The following IER5 variants were observed in gnomAD, a reference collection of about 807,000 sequenced individuals.
The protein encoded by IER5 is immediate early response 5, also known as immediate early response gene 5 protein.
In IER5, 3 loss-of-function variants were observed where a neutral mutation model predicts 8.2. That is an observed-to-expected ratio of 0.36 (90% confidence interval 0.17 to 0.94). The LOEUF (loss-of-function observed/expected upper bound fraction) is 0.94, where lower values mean the gene tolerates loss of function less well. Ranked by LOEUF, IER5 falls within the 40% of genes least tolerant of loss-of-function variation. The pLI, the probability that IER5 is intolerant of heterozygous loss-of-function variation, is 0.43. For missense variants in IER5, 531 were observed against 494.3 expected, an observed-to-expected ratio of 1.07 and a Z score of -0.70; for synonymous variants, 286 against 230.1, an observed-to-expected ratio of 1.24 and a Z score of -2.20.
chr1:181,089,929 C>T lies in IER5; in HGVS notation c.*43C>T, dbSNP rs1659430256. ...GGGGAGGAGGTGGAGCAGCGGGCGT[C>T]CCCGAAGTGAGGGCCAGGCCCTTCC... On this transcript the variant is annotated 3_prime_UTR_variant, in exon 1 of 1. Coordinates refer to ENST00000367577, the MANE Select transcript of IER5 (RefSeq NM_016545.5). 3 of 1,595,824 alleles carry T rather than the reference C, an allele frequency of 1.9e-6. No individual in the cohort carries two copies. In the African/African-American group the frequency reaches 4.0e-5, roughly 21 times the overall value.
rs1659449456 is a variant in IER5, at chr1:181,090,451, A to G, written c.*565A>G. 1 of 169,266 alleles carries G rather than the reference A, an allele frequency of 5.9e-6. No individual in the cohort carries two copies. The highest frequency in any genetic ancestry group is 1.4e-5 in the Non-Finnish European group (1 of 69,378). 10.5% of individuals were successfully genotyped at this position (169,266 alleles called of 1,614,324 possible). ...CCTCCCCACCTTTCTCTCCCAATGAAGAAACGTTTATATCCTGTGATTACT... is the reference window on the plus strand; with the variant it reads ...CCTCCCCACCTTTCTCTCCCAATGAGGAAACGTTTATATCCTGTGATTACT... On this transcript the variant is annotated 3_prime_UTR_variant, in exon 1 of 1. Coordinates refer to ENST00000367577, the MANE Select transcript of IER5 (RefSeq NM_016545.5).
At position 181,089,322 on chromosome 1, in the gene IER5, C is replaced by G. The variant is rs765851922; in HGVS notation, c.420C>G (p.Ala140=). Residue 140 remains alanine, a synonymous_variant, in exon 1 of 1, where the codon GCC becomes GCG. Transcript: ENST00000367577. ...GAGAGGCGGACGCGACGGAAGCTGC[C>G]TGGAGCCGCGTGGAGGGGCCGCGCC... ...QGGEADATEA[A]WSRVEGPRQA... is the part of the protein sequence containing the mutation. 2.6e-6 allele frequency: 4 copies of G among 1,543,632 alleles called. No individual in the cohort carries two copies. In the South Asian group the frequency reaches 3.6e-5, roughly 14 times the overall value.
rs1403781528 is a variant in IER5 at position 181,089,532 on chromosome 1, G to T, written c.630G>T (p.Ala210=). The change falls in exon 1 of 1, where the codon GCG becomes GCT. Residue 210 remains alanine, a synonymous_variant. Coordinates refer to ENST00000367577, the MANE Select transcript of IER5 (RefSeq NM_016545.5). ...AACCAGCGGAGGACGAGCCCCCCGC[G>T]CCGCCCGCGGTGTGCCCCAGGAAGC... ...APQPAEDEPP[A]PPAVCPRKRC... 2.0e-5 allele frequency: 26 copies of T among 1,281,666 alleles called. No homozygotes were observed. The highest frequency in any genetic ancestry group is 2.8e-5 in the South Asian group (1 of 35,118). 79.4% of individuals were successfully genotyped at this position (1,281,666 alleles called of 1,614,324 possible).
chr1:181,089,493 C>T lies in IER5; in HGVS notation c.591C>T (p.Cys197=), dbSNP rs1423061699. The change falls in exon 1 of 1, where the codon TGC becomes TGT. Residue 197 remains cysteine, a synonymous_variant. Transcript: ENST00000367577. Reference sequence around the variant, plus strand: ...CGGCCGCGACCCCCCGCGCTGCCTGCTGCTGCGCGCCGCAACCAGCGGAGG... The same window carrying T: ...CGGCCGCGACCCCCCGCGCTGCCTGTTGCTGCGCGCCGCAACCAGCGGAGG... ...GTPAATPRAA[C]CCAPQPAEDE... The T allele has an allele frequency of 7.5e-7, 1 of 1,326,446 alleles. No individual in the cohort carries two copies. Among genetic ancestry groups the T allele is most frequent in the Non-Finnish European group, 9.6e-7 (1 of 1,036,596 alleles). The allele number at this position is 1,326,446 out of a possible 1,614,324, so 82.2% of individuals were successfully genotyped here.
Position 181,089,096 on chromosome 1 carries a change from C to A in IER5, c.194C>A (p.Ala65Glu). ...CTGGCCGGTCCCGCTGGGACCCCGGCGCCGCCACCGCAGCAGCAGCCCGGG... is the reference window on the plus strand; with the variant it reads ...CTGGCCGGTCCCGCTGGGACCCCGGAGCCGCCACCGCAGCAGCAGCCCGGG... ...LYLAGPAGTP[A>E]PPPQQQPGEP... Residue 65 changes from alanine (A) to glutamate (E), a missense_variant, in exon 1 of 1, where the codon GCG becomes GAG. Ala to Glu is a moderately radical substitution (Grantham distance 107). Coordinates refer to ENST00000367577, the MANE Select transcript of IER5 (RefSeq NM_016545.5). The A allele has an allele frequency of 6.6e-7, 1 of 1,507,460 alleles. No individual in the cohort carries two copies. Among genetic ancestry groups the A allele is most frequent in the Non-Finnish European group, 8.9e-7 (1 of 1,129,638 alleles). 93.4% of individuals were successfully genotyped at this position (1,507,460 alleles called of 1,614,324 possible).
chr1:181,090,803 C>T lies in IER5; in HGVS notation c.*917C>T, dbSNP rs914189667. ...TGATTTTTGTATAAAAATGTAACTTCTACGTGTCTAACACGTATTAAATAT... is the reference window on the plus strand; with the variant it reads ...TGATTTTTGTATAAAAATGTAACTTTTACGTGTCTAACACGTATTAAATAT... On this transcript the variant is annotated 3_prime_UTR_variant, in exon 1 of 1. Transcript: ENST00000367577. 6.2e-6 allele frequency: 1 copy of T among 161,678 alleles called. No individual in the cohort carries two copies. Among genetic ancestry groups the T allele is most frequent in the African/African-American group, 2.4e-5 (1 of 41,418 alleles). 10.0% of individuals were successfully genotyped at this position (161,678 alleles called of 1,614,324 possible).
rs1322731940 is a variant in IER5, at chr1:181,091,559, A to C, written c.*1673A>C. The C allele has an allele frequency of 6.6e-6, 1 of 152,264 alleles. No homozygotes were observed. Among genetic ancestry groups the C allele is most frequent in the East Asian group, 1.9e-4 (1 of 5,206 alleles). 9.4% of individuals were successfully genotyped at this position (152,264 alleles called of 1,614,324 possible). A position where few individuals can be genotyped will look rare whatever the true frequency, so the allele number is the denominator to read the frequency against. On this transcript the variant is annotated 3_prime_UTR_variant, in exon 1 of 1. Coordinates refer to ENST00000367577, the MANE Select transcript of IER5 (RefSeq NM_016545.5). ...CAGTGTTTGGTCATGGTAGACACTT[A>C]GGTGATGATAGCCAAAACATCCATC...
In IER5 at chr1:181,089,004, C is replaced by T. The variant is rs757790659; in HGVS notation, c.102C>T (p.Leu34=). 6.9e-5 allele frequency: 111 copies of T among 1,613,144 alleles called. No homozygotes were observed. Among genetic ancestry groups the T allele is most frequent in the Non-Finnish European group, 7.5e-5 (88 of 1,179,850 alleles). The change falls in exon 1 of 1, where the codon CTC becomes CTT. Residue 34 remains leucine, a synonymous_variant. Transcript: ENST00000367577. ...QRGGIKLHKN[L]LVSLVLRSAR... ...GCGGCATCAAGCTGCATAAGAACCT[C>T]CTGGTCTCGCTGGTGCTGCGCAGCG...
Position 181,090,245 on chromosome 1 carries a change from GA to G in IER5, c.*361del, listed in dbSNP as rs1453241764. 3.5e-6 allele frequency: 1 copy of G among 287,120 alleles called. No individual in the cohort carries two copies. Among genetic ancestry groups the G allele is most frequent in the Non-Finnish European group, 7.0e-6 (1 of 142,980 alleles). 17.8% of individuals were successfully genotyped at this position (287,120 alleles called of 1,614,324 possible). On this transcript the variant is annotated 3_prime_UTR_variant, in exon 1 of 1. Coordinates refer to ENST00000367577, the MANE Select transcript of IER5 (RefSeq NM_016545.5). ...TTCCTCTGCCGGCTGCGTGGAGAAG[GA>G]AGCGGCTAAAAGGTTTGGGCCGGGG...
At position 181,088,778 on chromosome 1, in the gene IER5, G is replaced by A. The variant is rs577110268; in HGVS notation, c.-125G>A. The A allele has an allele frequency of 1.4e-6, 1 of 736,180 alleles. No individual in the cohort carries two copies. Among genetic ancestry groups the A allele is most frequent in the South Asian group, 1.6e-5 (1 of 63,976 alleles). 45.6% of individuals were successfully genotyped at this position (736,180 alleles called of 1,614,324 possible). ...GAGCAGCGCGCGCGTCACCAGAGTC[G>A]TTTCTCTTCGGAGTCTTAGGTGATC... On this transcript the variant is annotated 5_prime_UTR_variant, in exon 1 of 1. Coordinates refer to ENST00000367577, the MANE Select transcript of IER5 (RefSeq NM_016545.5).
At position 181,089,557 on chromosome 1, in the gene IER5, C is replaced by A; in HGVS notation, c.655C>A (p.Arg219Ser). 6.7e-7 allele frequency: 1 copy of A among 1,489,118 alleles called. No homozygotes were observed. The allele number at this position is 1,489,118 out of a possible 1,614,324, so 92.2% of individuals were successfully genotyped here. Residue 219 changes from arginine (R) to serine (S), a missense_variant, in exon 1 of 1, where the codon CGC (arginine) becomes AGC (serine). Transcript: ENST00000367577. ...PAPPAVCPRK[R>S]CAAGVGGGPA... ...GCCGCCCGCGGTGTGCCCCAGGAAG[C>A]GCTGCGCGGCGGGGGTGGGCGGCGG...
chr1:181,088,885 C>G lies in IER5; in HGVS notation c.-18C>G. On this transcript the variant is annotated 5_prime_UTR_variant, in exon 1 of 1. Transcript: ENST00000367577. The stretch of plus-strand genomic sequence containing the variant: ...AACGTGTCACCCCGGCGCCGACGGC[C>G]CTGTGCAGGGGAAGCAGATGGAGTT... 2.5e-6 allele frequency: 4 copies of G among 1,610,970 alleles called. No individual in the cohort carries two copies. The highest frequency in any genetic ancestry group is 3.4e-6 in the Non-Finnish European group (4 of 1,178,646).
chr1:181,089,245 G>A lies in IER5; in HGVS notation c.343G>A (p.Asp115Asn). ...SSVSDAPRVG[D>N]EVPVATVTGV... ...CGTCTCAGACGCGCCGCGGGTAGGG[G>A]ACGAGGTGCCGGTGGCCACGGTGAC... is the stretch of plus-strand genomic sequence containing the variant. Residue 115 changes from aspartate (D) to asparagine (N), a missense_variant, in exon 1 of 1, where the codon GAC becomes AAC. Asp to Asn is a conservative substitution (Grantham distance 23). Transcript: ENST00000367577. The A allele has an allele frequency of 6.4e-7, 1 of 1,552,998 alleles. No individual in the cohort carries two copies. The highest frequency in any genetic ancestry group is 1.2e-5 in the South Asian group (1 of 85,292).
In IER5 at chr1:181,088,711, G is replaced by C. The variant is rs1571425988; in HGVS notation, c.-192G>C. Reference sequence around the variant, plus strand: ...AGCCAGGCTGCCCTGTTTAGCGACCGGACCCGAAACGGGGAAGTTGTCTTG... The same window carrying C: ...AGCCAGGCTGCCCTGTTTAGCGACCCGACCCGAAACGGGGAAGTTGTCTTG... On this transcript the variant is annotated 5_prime_UTR_variant, in exon 1 of 1. Coordinates refer to ENST00000367577, the MANE Select transcript of IER5 (RefSeq NM_016545.5). 5.2e-6 allele frequency: 3 copies of C among 571,558 alleles called. No individual in the cohort carries two copies. The highest frequency in any genetic ancestry group is 2.0e-5 in the African/African-American group (1 of 51,148). 35.4% of individuals were successfully genotyped at this position (571,558 alleles called of 1,614,324 possible).
rs1659501273 is a variant in IER5, at chr1:181,092,685, C to T, written c.*2799C>T. The T allele has an allele frequency of 6.6e-6, 1 of 152,072 alleles. No individual in the cohort carries two copies. The highest frequency in any genetic ancestry group is 2.1e-4 in the South Asian group (1 of 4,834). The allele number at this position is 152,072 out of a possible 1,614,324, so 9.4% of individuals were successfully genotyped here. ...TCATCTCTCTGTGCCTCAGGTTTTT[C>T]AAATGTAAAATTGGGATAATTGGAT... On this transcript the variant is annotated 3_prime_UTR_variant, in exon 1 of 1. Coordinates refer to ENST00000367577, the MANE Select transcript of IER5 (RefSeq NM_016545.5).
Position 181,088,779 on chromosome 1 carries a change from T to TGTGTGG in IER5, c.-124_-123insGTGTGG. The TGTGTGG allele has an allele frequency of 1.3e-6, 1 of 746,486 alleles. No individual in the cohort carries two copies. The highest frequency in any genetic ancestry group is 2.1e-6 in the Non-Finnish European group (1 of 468,840). 46.2% of individuals were successfully genotyped at this position (746,486 alleles called of 1,614,324 possible). A position where few individuals can be genotyped will look rare whatever the true frequency, so the allele number is the denominator to read the frequency against. On this transcript the variant is annotated 5_prime_UTR_variant, in exon 1 of 1. Transcript: ENST00000367577. ...AGCAGCGCGCGCGTCACCAGAGTCG[T>TGTGTGG]TTCTCTTCGGAGTCTTAGGTGATCG... is the stretch of plus-strand genomic sequence containing the variant.
Position 181,089,936 on chromosome 1 carries a change from G to A in IER5, c.*50G>A, listed in dbSNP as rs1659430437. On this transcript the variant is annotated 3_prime_UTR_variant, in exon 1 of 1. Transcript: ENST00000367577. ...AGGTGGAGCAGCGGGCGTCCCCGAA[G>A]TGAGGGCCAGGCCCTTCCCGGCTGC... The A allele has an allele frequency of 6.3e-7, 1 of 1,590,246 alleles. No individual in the cohort carries two copies. Among genetic ancestry groups the A allele is most frequent in the Non-Finnish European group, 8.5e-7 (1 of 1,170,388 alleles).
At position 181,089,973 on chromosome 1, in the gene IER5, G is replaced by T. The variant is rs1659431761; in HGVS notation, c.*87G>T. 1 of 1,516,466 alleles carries T rather than the reference G, an allele frequency of 6.6e-7. No homozygotes were observed. Among genetic ancestry groups the T allele is most frequent in the Non-Finnish European group, 8.9e-7 (1 of 1,129,602 alleles). 93.9% of individuals were successfully genotyped at this position (1,516,466 alleles called of 1,614,324 possible). A position where few individuals can be genotyped will look rare whatever the true frequency, so the allele number is the denominator to read the frequency against. On this transcript the variant is annotated 3_prime_UTR_variant, in exon 1 of 1. Transcript: ENST00000367577. ...CCCTTCCCGGCTGCGAGGACGCCCAGAGACCGCGGGCGCTGAGCGCGTTGG... is the reference window on the plus strand; with the variant it reads ...CCCTTCCCGGCTGCGAGGACGCCCATAGACCGCGGGCGCTGAGCGCGTTGG...
At position 181,089,895 on chromosome 1, in the gene IER5, C is replaced by A. The variant is rs370832067; in HGVS notation, c.*9C>A. ...CCATCGTGGCCTTCTGAGCCCTTGG[C>A]CCCCCTGCGGGGAGGAGGTGGAGCA... On this transcript the variant is annotated 3_prime_UTR_variant, in exon 1 of 1. Transcript: ENST00000367577. The A allele has an allele frequency of 6.2e-7, 1 of 1,609,480 alleles. No homozygotes were observed. Among genetic ancestry groups the A allele is most frequent in the Admixed American group, 1.7e-5 (1 of 59,572 alleles).
Sources: allele counts gnomAD v4.1 joint callset, GRCh38; gene constraint gnomAD v4.1.1; transcripts MANE v1.5; gene names NCBI Gene and HGNC (gene_info 2026-07-23, HGNC 2026-07-21).